NEK10: variants seen among roughly 807,000 people sequenced by gnomAD.
NEK10 encodes NIMA related kinase 10, also known as serine/threonine-protein kinase Nek10.
NEK10 carries 122 observed loss-of-function variants against 159.8 expected under a neutral mutation model. The ratio of observed to expected loss-of-function variants is 0.76; its 90% confidence interval spans 0.66 to 0.89. The LOEUF is 0.89. Ranked by LOEUF, NEK10 falls within the 40% of genes least tolerant of loss-of-function variation. The pLI, the probability that NEK10 is intolerant of heterozygous loss-of-function variation, is 0.00. For missense variants in NEK10, 1,342 were observed against 1,323.1 expected (o/e 1.01, Z -0.22); for synonymous variants, 466 against 457.1 (o/e 1.02, Z -0.25).
chr3:27,146,807 G>C (rs17317135), intron 30 of NEK10, among the ~76,000 whole-genome samples: 2 of 152,170 alleles, frequency 1.3e-5, no homozygotes, highest in Admixed American at 1.3e-4. Flanking sequence ...GGGTGTGAGG[G>C]AAGTTGTATG....
intron 5 of NEK10, among the ~76,000 whole-genome samples, chr3:27,335,951 C>A (rs1039591435): frequency 3.3e-5 from 5 of 151,986 alleles, no homozygotes; most frequent in Non-Finnish European, 5.9e-5. Context: ...CCTCAAGATA[C>A]TAGAAAGGCA....
At chr3:27,329,300 A>G (rs2046231564) in intron 5 of NEK10, among the ~76,000 whole-genome samples, 1 of 152,176 alleles carries the variant, frequency 6.6e-6, no homozygotes, top group Admixed American at 6.5e-5. Context: ...CCCAGTCTTG[A>G]GTATGTCTTT....
At chr3:27,351,683 A>C (rs971578955) in intron 3 of NEK10, among the ~76,000 whole-genome samples, 1 of 152,080 alleles carries the variant, frequency 6.6e-6, no homozygotes, top group Non-Finnish European at 1.5e-5. Flanking sequence ...TCAGGGCTGG[A>C]TTACCAAACA....
intron 25 of NEK10, among the ~76,000 whole-genome samples, 182 bp downstream of exon 25, chr3:27,201,328 C>T (rs1012673408): frequency 3.9e-5 from 6 of 152,212 alleles, no homozygotes; most frequent in South Asian, 4.1e-4. Flanking sequence ...TCTACTTCCT[C>T]TTGGACACTT....
intron 23 of NEK10, among the ~76,000 whole-genome samples, chr3:27,230,782 T>A (rs928234911): frequency 3.9e-5 from 6 of 152,008 alleles, no homozygotes; most frequent in African/African-American, 1.4e-4. Flanking sequence ...AGAAGGACAT[T>A]ATATATTGAT....
chr3:27,316,598 G>A (rs9867885), intron 6 of NEK10, among the ~76,000 whole-genome samples: 7,011 of 152,214 alleles, frequency 0.046, 286 homozygotes, highest in African/African-American at 0.11. Flanking sequence ...GGAGTGGGAA[G>A]ACACCAAGGA....
intron 1 of NEK10, among the ~76,000 whole-genome samples, chr3:27,354,016 T>A (rs1270567990): frequency 6.6e-6 from 1 of 152,128 alleles, no homozygotes; most frequent in African/African-American, 2.4e-5. Flanking sequence ...AATACAAAAA[T>A]GCCCCGTAAG....
chr3:27,114,441 A>T lies in NEK10; in HGVS notation c.3299+1499T>A, dbSNP rs543706348. ...CCTCTGCAGTTACAAATCACAACAG[A>T]TCTAAATTTATAAAGGTAGTATTTT... On this transcript the variant is annotated intron_variant, in intron 35 of 35. Transcript: ENST00000691995. Among the ~76,000 whole-genome samples, 5 of 152,304 alleles carry T rather than the reference A, an allele frequency of 3.3e-5. No homozygotes were observed. The South Asian group carries it at 1.0e-3, about 32-fold the overall frequency.
At chr3:27,363,801 G>A (rs2048854399) in intron 1 of NEK10, 1 of 152,142 alleles carries the variant, frequency 6.6e-6, no homozygotes, top group Non-Finnish European at 1.5e-5. Context: ...CTCCACTGAT[G>A]CAAGTTGACA....
intron 29 of NEK10, among the ~76,000 whole-genome samples, chr3:27,164,563 T>C (rs1432349340): frequency 6.6e-6 from 1 of 152,244 alleles, no homozygotes; most frequent in African/African-American, 2.4e-5. Flanking sequence ...TACATCTTAA[T>C]TAATATTAAA....
chr3:27,338,484 A>T (rs931556814), intron 5 of NEK10, among the ~76,000 whole-genome samples: 3 of 152,170 alleles, frequency 2.0e-5, no homozygotes, highest in Non-Finnish European at 4.4e-5. Context: ...TGGTATTTCT[A>T]GTTCTAGATC....
chr3:27,219,237 G>C (rs540776376), intron 23 of NEK10, among the ~76,000 whole-genome samples: 26 of 152,330 alleles, frequency 1.7e-4, no homozygotes, highest in Non-Finnish European at 3.1e-4. Flanking sequence ...TTCCATGGGA[G>C]GGTGCAGCCT....
At chr3:27,292,133 C>A (rs1406795131) in intron 16 of NEK10, among the ~76,000 whole-genome samples, 1 of 152,076 alleles carries the variant, frequency 6.6e-6, no homozygotes, top group Non-Finnish European at 1.5e-5. Context: ...GCTGTACAAC[C>A]TTGTGCTTAC....
At chr3:27,265,705 A>G (rs1899997) in intron 22 of NEK10, 96,480 of 151,950 alleles carry the variant, frequency 0.63, 33,004 homozygotes, top group African/African-American at 0.91. Flanking sequence ...CCTTAGTGAA[A>G]TGGCTGCTCA....
At chr3:27,270,621 T>TA (rs1384881044) in intron 22 of NEK10, among the ~76,000 whole-genome samples, 5 of 152,302 alleles carry the variant, frequency 3.3e-5, no homozygotes, top group Admixed American at 3.3e-4. Context: ...CTGAGGCTAC[T>TA]GAGCTATTCC....
intron 22 of NEK10, among the ~76,000 whole-genome samples, chr3:27,273,416 A>G (rs1316598294): frequency 6.6e-6 from 1 of 152,214 alleles, no homozygotes; most frequent in African/African-American, 2.4e-5. Flanking sequence ...CATTGCTGAC[A>G]CTGTCAATCT....
intron 30 of NEK10, among the ~76,000 whole-genome samples, chr3:27,159,270 C>A (rs932297166): frequency 1.3e-5 from 2 of 152,124 alleles, no homozygotes; most frequent in Non-Finnish European, 2.9e-5. Context: ...AAAACAATAT[C>A]TACCTGGAAT....
At chr3:27,158,745 C>T (rs1056817528) in intron 30 of NEK10, among the ~76,000 whole-genome samples, 1 of 152,132 alleles carries the variant, frequency 6.6e-6, no homozygotes, top group Non-Finnish European at 1.5e-5. Context: ...TTTTAGTTGA[C>T]ATTATATTTG....
chr3:27,277,755 G>A (rs183523885), intron 22 of NEK10, among the ~76,000 whole-genome samples: 21 of 152,180 alleles, frequency 1.4e-4, no homozygotes, highest in African/African-American at 4.8e-4. Context: ...ATATTCTCTC[G>A]GAGGAGGAAT....
Sources: allele counts gnomAD v4.1 joint callset (sites outside exome capture counted in the v4.1 genomes callset), GRCh38; gene constraint gnomAD v4.1.1; transcripts MANE v1.5; gene names NCBI Gene and HGNC (gene_info 2026-07-23, HGNC 2026-07-21).